HGSNAT: variants seen among roughly 807,000 people sequenced by gnomAD.
The protein encoded by HGSNAT is heparan-alpha-glucosaminide N-acetyltransferase.
A neutral mutation model predicts 85.2 loss-of-function variants in HGSNAT; 59 were observed. That is an observed-to-expected ratio of 0.69 (90% CI 0.56 to 0.86). HGSNAT has a LOEUF of 0.86. HGSNAT is among the 40% of genes least tolerant of loss of function. The pLI, the probability that HGSNAT is intolerant of heterozygous loss-of-function variation, is 0.00. For synonymous variants in HGSNAT, 321 were observed against 304.5 expected, an observed-to-expected ratio of 1.05 and a Z score of -0.56; for missense variants, 756 against 777.1, an observed-to-expected ratio of 0.97 and a Z score of 0.32.
At chr8:43,166,512 G>A (rs1366321307) in intron 5 of HGSNAT, among the ~76,000 whole-genome samples, 1 of 152,200 alleles carries the variant, frequency 6.6e-6, no homozygotes, top group African/African-American at 2.4e-5. Flanking sequence ...GAACAGCAAA[G>A]CCTGGATGAC....
Position 43,170,615 on chromosome 8 carries a change from C to T in HGSNAT, c.664C>T (p.Leu222Phe), listed in dbSNP as rs1358373785. The T allele has an allele frequency of 1.9e-6, 3 of 1,610,090 alleles. No individual in the cohort carries two copies. Among genetic ancestry groups the T allele is most frequent in the Non-Finnish European group, 2.5e-6 (3 of 1,178,298 alleles). Residue 222 changes from leucine to phenylalanine, a missense_variant, in exon 7 of 18, where the codon CTC becomes TTC. Physicochemically the swap from Leu to Phe is conservative, Grantham distance 22. Transcript: ENST00000379644. ...ELGSPSRTDP[L>F]DGDVQPATWR... is the part of the protein sequence containing the mutation. ...GGGATCTCCCAGCAGGACAGACCCTCTCGATGGTGATGTTCAGCCAGCAAC... is the reference window on the plus strand; with the variant it reads ...GGGATCTCCCAGCAGGACAGACCCTTTCGATGGTGATGTTCAGCCAGCAAC...
At chr8:43,182,112 G>T in intron 10 of HGSNAT, 33 bp from the exon 11 acceptor site, 1 of 1,528,290 alleles carries the variant, frequency 6.5e-7, no homozygotes, top group Non-Finnish European at 9.1e-7. Context: ...AGAAGTCCTG[G>T]CTAACACTTG....
intron 14 of HGSNAT, 63 bp from the exon 15 acceptor site, chr8:43,196,885 T>C: frequency 1.0e-6 from 1 of 992,390 alleles, no homozygotes; most frequent in Non-Finnish European, 1.6e-6. Flanking sequence ...AGACAGTGGA[T>C]TAATATGAAA....
At position 43,173,719 on chromosome 8, in the gene HGSNAT, C is replaced by G. The variant is rs751331792; in HGVS notation, c.827C>G (p.Thr276Arg). 1.6e-5 allele frequency: 26 copies of G among 1,613,034 alleles called. No homozygotes were observed. The highest frequency in any genetic ancestry group is 1.9e-5 in the Non-Finnish European group (23 of 1,179,514). ...CTTTGTACTTGTTCTGCAGGGCTGA[C>G]AGTGGCTGACCTCGTGTTCCCGTGG... ...YFKHASWNGLTVADLVFPWFV... is the reference protein window; with the variant it reads ...YFKHASWNGLRVADLVFPWFV... The change falls in exon 9 of 18, where the codon ACA (threonine) becomes AGA (arginine). Residue 276 changes from threonine (T) to arginine (R), a missense_variant. Transcript: ENST00000379644.
In HGSNAT at chr8:43,172,392, A is replaced by G. The variant is rs746644852; in HGVS notation, c.820+6A>G. On this transcript the variant is annotated splice_donor_region_variant and intron_variant, in intron 8 of 17. Coordinates refer to ENST00000379644, the MANE Select transcript of HGSNAT (RefSeq NM_152419.3). ...CAAACATGCAAGTTGGAATGGTAAG[A>G]TATTTCCTAAAAGTAATGTTGCTTA... 7.6e-6 allele frequency: 12 copies of G among 1,583,636 alleles called. No individual in the cohort carries two copies. In the South Asian group the frequency reaches 1.2e-4, roughly 16 times the overall value.
chr8:43,182,387 C>G, intron 11 of HGSNAT, 127 bp downstream of exon 11: 1 of 809,996 alleles, frequency 1.2e-6, no homozygotes, highest in Non-Finnish European at 2.1e-6. Flanking sequence ...ATCCTCCTGC[C>G]TTGGCCACCC....
At chr8:43,175,854 ACCGAGCC>A (rs1803794062) in intron 9 of HGSNAT, among the ~76,000 whole-genome samples, 1 of 152,046 alleles carries the variant, frequency 6.6e-6, no homozygotes, top group African/African-American at 2.4e-5. Flanking sequence ...GGCGTGAGCC[ACCGAGCC>A]CGGCCTTTTA....
intron 2 of HGSNAT, among the ~76,000 whole-genome samples, chr8:43,158,090 A>T (rs1353726193): frequency 2.7e-5 from 4 of 149,468 alleles, no homozygotes; most frequent in Non-Finnish European, 6.0e-5. Flanking sequence ...TGACACAGTG[A>T]TTTTTTTTTT....
chr8:43,147,024 C>A lies in HGSNAT; in HGVS notation c.195C>A (p.Thr65=). 6 of 1,607,778 alleles carry A rather than the reference C, an allele frequency of 3.7e-6. No individual in the cohort carries two copies. Among genetic ancestry groups the A allele is most frequent in the Non-Finnish European group, 5.1e-6 (6 of 1,177,780 alleles). The change falls in exon 2 of 18, where the codon ACC becomes ACA. Residue 65 remains threonine, a synonymous_variant. Transcript: ENST00000379644. ...TCATCCATAATGAACTTCTCTGGACCAACTTGACCGTCTACTGGAAATCTG... is the reference window on the plus strand; with the variant it reads ...TCATCCATAATGAACTTCTCTGGACAAACTTGACCGTCTACTGGAAATCTG... ...LLLIHNELLW[T]NLTVYWKSEC...
In HGSNAT at chr8:43,193,930, G is replaced by A. The variant is rs1272159989; in HGVS notation, c.1464+87G>A. The A allele has an allele frequency of 2.0e-5, 31 of 1,565,052 alleles. No homozygotes were observed. In the Admixed American group the frequency reaches 5.4e-4, roughly 27 times the overall value. On this transcript the variant is annotated intron_variant, in intron 14 of 17. Coordinates refer to ENST00000379644, the MANE Select transcript of HGSNAT (RefSeq NM_152419.3). ...TAAAAACCATTTCATTAAAATAATTGGAAGCATATTCTCTCTTGTGCTATG... is the reference window on the plus strand; with the variant it reads ...TAAAAACCATTTCATTAAAATAATTAGAAGCATATTCTCTCTTGTGCTATG...
rs483352895 is a variant in HGSNAT, at chr8:43,161,468, C to CT, written c.525dup (p.Val176CysfsTer16). The CT allele has an allele frequency of 1.9e-6, 3 of 1,611,962 alleles. No individual in the cohort carries two copies. The highest frequency in any genetic ancestry group is 2.5e-6 in the Non-Finnish European group (3 of 1,178,904). ...AGCATTGCATTCCTTATTGGTCTTGCTGTCATCATTGTGATATCCTTTCTG... is the reference window on the plus strand; with the variant it reads ...AGCATTGCATTCCTTATTGGTCTTGCTTGTCATCATTGTGATATCCTTTCTG... On this transcript the variant is annotated frameshift_variant, in exon 5 of 18. Coordinates refer to ENST00000379644, the MANE Select transcript of HGSNAT (RefSeq NM_152419.3). LOFTEE classifies it high-confidence loss of function.
At chr8:43,171,220 C>T (rs1803615918) in intron 7 of HGSNAT, among the ~76,000 whole-genome samples, 1 of 152,176 alleles carries the variant, frequency 6.6e-6, no homozygotes, top group African/African-American at 2.4e-5. Context: ...AGAATAAATA[C>T]ACAGGTATCA....
At chr8:43,149,055 G>A (rs1248017897) in intron 2 of HGSNAT, among the ~76,000 whole-genome samples, 3 of 151,896 alleles carry the variant, frequency 2.0e-5, no homozygotes, top group Admixed American at 1.3e-4. Context: ...GGCAGAGGTG[G>A]CAGTGAGCTG....
intron 2 of HGSNAT, among the ~76,000 whole-genome samples, chr8:43,157,631 A>T (rs1355629712): frequency 6.6e-6 from 1 of 152,102 alleles, no homozygotes; most frequent in Admixed American, 6.6e-5. Flanking sequence ...ACAAAAAACT[A>T]GCTGGGCGTA....
At chr8:43,197,973 A>C in intron 17 of HGSNAT, 21 bp downstream of exon 17, 1 of 1,544,698 alleles carries the variant, frequency 6.5e-7, no homozygotes, top group Non-Finnish European at 8.9e-7. Context: ...TCCAACCTCA[A>C]ACAGAGCTGG....
chr8:43,156,678 ATATT>A (rs1268424964), intron 2 of HGSNAT, among the ~76,000 whole-genome samples: 2 of 152,160 alleles, frequency 1.3e-5, no homozygotes, highest in Non-Finnish European at 2.9e-5. Flanking sequence ...ATTCCTTTAT[ATATT>A]TAGTTGTTAC....
At chr8:43,142,122 T>C (rs1802571122) in intron 1 of HGSNAT, among the ~76,000 whole-genome samples, 1 of 151,972 alleles carries the variant, frequency 6.6e-6, no homozygotes, top group East Asian at 1.9e-4. Flanking sequence ...CCAGCAAAGA[T>C]AACTCACGAG....
At position 43,145,581 on chromosome 8, in the gene HGSNAT, T is replaced by C. The variant is rs183314726; in HGVS notation, c.119-1367T>C. 2.0e-5 allele frequency among the ~76,000 whole-genome samples: 3 copies of C among 152,190 alleles called. No homozygotes were observed. The East Asian group carries it at 5.8e-4, about 29-fold the overall frequency. ...TCCTGGCCAATGTGGTGAAACCCCG[T>C]CACTACTAAAAATACAAAAATTAGC... On this transcript the variant is annotated intron_variant, in intron 1 of 17. Transcript: ENST00000379644.
intron 5 of HGSNAT, among the ~76,000 whole-genome samples, chr8:43,161,849 G>A (rs1803277495): frequency 6.6e-6 from 1 of 152,250 alleles, no homozygotes; most frequent in African/African-American, 2.4e-5. Flanking sequence ...TCGCTGCACT[G>A]AACTCCCTTC....
Sources: allele counts gnomAD v4.1 joint callset (sites outside exome capture counted in the v4.1 genomes callset), GRCh38; gene constraint gnomAD v4.1.1; transcripts MANE v1.5; gene names NCBI Gene and HGNC (gene_info 2026-07-23, HGNC 2026-07-21).